Variants in CD93 observed in about 807,000 individuals in gnomAD.
CD93 encodes complement component C1q receptor.
CD93 carries 44 observed loss-of-function variants against 45.5 expected under a neutral mutation model. That is an observed-to-expected ratio of 0.97 (90% confidence interval 0.76 to 1.24). The LOEUF is 1.24. CD93 is among the 50% of genes most tolerant of loss of function. CD93 has a pLI of 0.00. For synonymous variants in CD93, 431 were observed against 370.8 expected (o/e 1.16, Z -1.87); for missense variants, 918 against 844.5 (o/e 1.09, Z -1.08).
Position 23,079,385 on chromosome 20 carries a change from G to A in CD93, c.*4565C>T, listed in dbSNP as rs1363957948. The A allele has an allele frequency of 6.6e-6, 1 of 152,164 alleles. No individual in the cohort carries two copies. Among genetic ancestry groups the A allele is most frequent in the Non-Finnish European group, 1.5e-5 (1 of 68,038 alleles). 9.4% of individuals were successfully genotyped at this position (152,164 alleles called of 1,614,324 possible). A position where few individuals can be genotyped will look rare whatever the true frequency, so the allele number is the denominator to read the frequency against. On this transcript the variant is annotated 3_prime_UTR_variant, in exon 2 of 2. Coordinates refer to ENST00000246006, the MANE Select transcript of CD93 (RefSeq NM_012072.4). ...TGTGTTTAAGAGTTTATTAGGATAG[G>A]CACATAACAGAAAGCTCAAAGGACA...
Position 23,085,040 on chromosome 20 carries a change from C to G in CD93, c.1153G>C (p.Asp385His). ...CGACCCAGAGCACACTCATCCACAT[C>G]CTGACAGGCCCCCTCTCCAGGACCG... ...PGGPGEGACQDVDECALGRSP... is the reference protein window; with the variant it reads ...PGGPGEGACQHVDECALGRSP... Residue 385 changes from aspartate (D) to histidine (H), a missense_variant, in exon 1 of 2, where the codon GAT (aspartate) becomes CAT (histidine). By Grantham distance (81) the Asp-to-His change is moderately conservative (BLOSUM62 -1). Coordinates refer to ENST00000246006, the MANE Select transcript of CD93 (RefSeq NM_012072.4). 1 of 1,613,918 alleles carries G rather than the reference C, an allele frequency of 6.2e-7. No individual in the cohort carries two copies. The highest frequency in any genetic ancestry group is 8.5e-7 in the Non-Finnish European group (1 of 1,179,950).
In CD93 at chr20:23,084,794, A is replaced by C. The variant is rs749811554; in HGVS notation, c.1399T>G (p.Cys467Gly). The C allele has an allele frequency of 2.5e-6, 4 of 1,613,090 alleles. No homozygotes were observed. Among genetic ancestry groups the C allele is most frequent in the Non-Finnish European group, 3.4e-6 (4 of 1,179,962 alleles). ...GWVLAPNGVS[C>G]TMGPVSLGPP... ...CCCAGAGACACAGGCCCCATGGTGCAAGAGACCCCATTTGGGGCCAGCACC... is the reference window on the plus strand; with the variant it reads ...CCCAGAGACACAGGCCCCATGGTGCCAGAGACCCCATTTGGGGCCAGCACC... The change falls in exon 1 of 2, where the codon TGC becomes GGC. Residue 467 changes from cysteine (C) to glycine (G), a missense_variant. Transcript: ENST00000246006.
At position 23,084,917 on chromosome 20, in the gene CD93, G is replaced by GCC. The variant is rs1985437482; in HGVS notation, c.1275_1276insGG (p.Gln426GlyfsTer163). ...GGGCCCACACACTCATCCACGTCCTGGCACTGAGTCCCGTCCTCCCCGGCC... is the reference window on the plus strand; with the variant it reads ...GGGCCCACACACTCATCCACGTCCTGCCGCACTGAGTCCCGTCCTCCCCGGCC... On this transcript the variant is annotated frameshift_variant, in exon 1 of 2. Coordinates refer to ENST00000246006, the MANE Select transcript of CD93 (RefSeq NM_012072.4). LOFTEE classifies it high-confidence loss of function. 6.2e-7 allele frequency: 1 copy of GCC among 1,613,314 alleles called. No homozygotes were observed. The highest frequency in any genetic ancestry group is 8.5e-7 in the Non-Finnish European group (1 of 1,179,916).
Position 23,084,502 on chromosome 20 carries a change from C to T in CD93, c.1691G>A (p.Gly564Glu), listed in dbSNP as rs759212951. 6.2e-7 allele frequency: 1 copy of T among 1,614,134 alleles called. No individual in the cohort carries two copies. The highest frequency in any genetic ancestry group is 1.1e-5 in the South Asian group (1 of 91,086). ...AASGPQEPAG[G>E]DSSVATQNND... ...GTTTTGTGTGGCCACGGAGGAGTCC[C>T]CACCTGCAGGCTCCTGGGGGCCAGA... is the stretch of plus-strand genomic sequence containing the variant. Residue 564 changes from glycine (G) to glutamate (E), a missense_variant, in exon 1 of 2, where the codon GGG becomes GAG. By Grantham distance (98) the Gly-to-Glu change is moderately conservative. Transcript: ENST00000246006.
In CD93 at chr20:23,085,790, A is replaced by C. The variant is rs755445600; in HGVS notation, c.403T>G (p.Ser135Ala). The C allele has an allele frequency of 2.5e-6, 4 of 1,611,772 alleles. No homozygotes were observed. Among genetic ancestry groups the C allele is most frequent in the Non-Finnish European group, 3.4e-6 (4 of 1,179,850 alleles). Residue 135 changes from serine to alanine, a missense_variant, in exon 1 of 2, where the codon TCG becomes GCG. Coordinates refer to ENST00000246006, the MANE Select transcript of CD93 (RefSeq NM_012072.4). ...YSNWHKELRNSCISKRCVSLL... is the reference protein window; with the variant it reads ...YSNWHKELRNACISKRCVSLL... ...GACACACAGCGCTTGGAGATGCACG[A>C]GTTCCGGAGCTCCTTGTGCCAGTTA...
Position 23,083,552 on chromosome 20 carries a change from T to G in CD93, c.*398A>C. On this transcript the variant is annotated 3_prime_UTR_variant, in exon 2 of 2. Transcript: ENST00000246006. The stretch of plus-strand genomic sequence containing the variant: ...TCATCCTAGGAAGAGAAACAAATCA[T>G]TTCAATCCTAATCAGCATGAGCAAC... 4.9e-6 allele frequency: 1 copy of G among 202,244 alleles called. No homozygotes were observed. Among genetic ancestry groups the G allele is most frequent in the Non-Finnish European group, 1.0e-5 (1 of 99,744 alleles). The allele number at this position is 202,244 out of a possible 1,614,324, so 12.5% of individuals were successfully genotyped here. A position where few individuals can be genotyped will look rare whatever the true frequency, so the allele number is the denominator to read the frequency against.
chr20:23,086,276 A>T lies in CD93; in HGVS notation c.-84T>A. On this transcript the variant is annotated 5_prime_UTR_variant, in exon 1 of 2. In the 5' UTR this introduces an upstream ATG that the reference lacks. Coordinates refer to ENST00000246006, the MANE Select transcript of CD93 (RefSeq NM_012072.4). ...TATCTCGGCTCCCAGCTGGGCCCCA[A>T]GGGGAGCTGAGGGGTGAGCTGCAGC... The T allele has an allele frequency of 7.0e-7, 1 of 1,419,042 alleles. No homozygotes were observed. The highest frequency in any genetic ancestry group is 9.2e-7 in the Non-Finnish European group (1 of 1,082,540). 87.9% of individuals were successfully genotyped at this position (1,419,042 alleles called of 1,614,324 possible).
intron 1 of CD93, 93 bp downstream of exon 1, chr20:23,084,166 C>A: frequency 6.6e-7 from 1 of 1,510,776 alleles, no homozygotes; most frequent in Non-Finnish European, 9.1e-7. Context: ...CCACAGGAAA[C>A]CTGGGCCTGC....
intron 1 of CD93, 44 bp from the exon 2 acceptor site, chr20:23,084,018 T>C: frequency 1.2e-6 from 2 of 1,611,668 alleles, no homozygotes. Context: ...ATGGCGCCTC[T>C]GTGCCTGCAC....
Position 23,084,450 on chromosome 20 carries a change from C to T in CD93, c.1743G>A (p.Leu581=). 6.2e-7 allele frequency: 1 copy of T among 1,614,232 alleles called. No homozygotes were observed. Among genetic ancestry groups the T allele is most frequent in the Non-Finnish European group, 8.5e-7 (1 of 1,180,056 alleles). ...CGGTGCCTAGGATGTAGAATAAAAG[C>T]AGCTTTTGCCCGTCAGTGCCATCGT... ...QNNDGTDGQK[L]LLFYILGTVV... The change falls in exon 1 of 2, where the codon CTG becomes CTA. Residue 581 remains leucine, a synonymous_variant. Transcript: ENST00000246006.
chr20:23,085,157 C>T lies in CD93; in HGVS notation c.1036G>A (p.Val346Met), dbSNP rs764430924. 61 of 1,583,990 alleles carry T rather than the reference C, an allele frequency of 3.9e-5. No homozygotes were observed. Among genetic ancestry groups the T allele is most frequent in the Admixed American group, 3.4e-5 (2 of 58,022 alleles). Residue 346 changes from valine (V) to methionine (M), a missense_variant, in exon 1 of 2, where the codon GTG (valine) becomes ATG (methionine). By Grantham distance (21) the Val-to-Met change is conservative. Coordinates refer to ENST00000246006, the MANE Select transcript of CD93 (RefSeq NM_012072.4). ...LDSSQLDCVDVDECQDSPCAQ... is the reference protein window; with the variant it reads ...LDSSQLDCVDMDECQDSPCAQ... ...CAGGGGGAGTCCTGGCATTCATCCA[C>T]GTCCACACAGTCCAGCTGACTCGAG...
Position 23,081,433 on chromosome 20 carries a change from C to T in CD93, c.*2517G>A, listed in dbSNP as rs1600421135. ...CCCAAGATCCCCCAAACAAGAATTT[C>T]CATGCTTCAAAGTAACAGCAAAAAT... On this transcript the variant is annotated 3_prime_UTR_variant, in exon 2 of 2. Coordinates refer to ENST00000246006, the MANE Select transcript of CD93 (RefSeq NM_012072.4). The T allele has an allele frequency of 6.6e-6, 1 of 152,444 alleles. No individual in the cohort carries two copies. The highest frequency in any genetic ancestry group is 1.9e-4 in the East Asian group (1 of 5,182). 9.4% of individuals were successfully genotyped at this position (152,444 alleles called of 1,614,324 possible).
Position 23,085,594 on chromosome 20 carries a change from G to T in CD93, c.599C>A (p.Thr200Asn). The T allele has an allele frequency of 6.2e-7, 1 of 1,613,580 alleles. No individual in the cohort carries two copies. ...GGTGGTCTGGAAGGGGGTGGTGTAG[G>T]TCACCTGACCTGGGCCCCCCAGGGC... is the stretch of plus-strand genomic sequence containing the variant. ...PLALGGPGQV[T>N]YTTPFQTTSS... is the part of the protein sequence containing the mutation. Residue 200 changes from threonine (T) to asparagine (N), a missense_variant, in exon 1 of 2, where the codon ACC becomes AAC. Physicochemically the swap from Thr to Asn is moderately conservative, Grantham distance 65. Transcript: ENST00000246006.
Position 23,081,461 on chromosome 20 carries a change from A to T in CD93, c.*2489T>A. The T allele has an allele frequency of 6.6e-6, 1 of 152,312 alleles. No individual in the cohort carries two copies. The highest frequency in any genetic ancestry group is 1.9e-4 in the East Asian group (1 of 5,204). The allele number at this position is 152,312 out of a possible 1,614,324, so 9.4% of individuals were successfully genotyped here. On this transcript the variant is annotated 3_prime_UTR_variant, in exon 2 of 2. Coordinates refer to ENST00000246006, the MANE Select transcript of CD93 (RefSeq NM_012072.4). Reference sequence around the variant, plus strand: ...TGCTTCAAAGTAACAGCAAAAATAAACAGGAGAATAAAGCACGTGTTTGAG... The same window carrying T: ...TGCTTCAAAGTAACAGCAAAAATAATCAGGAGAATAAAGCACGTGTTTGAG...
Position 23,085,062 on chromosome 20 carries a change from AC to A in CD93, c.1130del (p.Gly377ValfsTer211), listed in dbSNP as rs951258683. ...CECWVGYEPG[G>X]PGEGACQDVD... is the part of the protein sequence containing the mutation. ...CATCCTGACAGGCCCCCTCTCCAGG[AC>A]CGCCCGGCTCATAGCCAACCCAGCA... On this transcript the variant is annotated frameshift_variant, in exon 1 of 2. Transcript: ENST00000246006. LOFTEE classifies it high-confidence loss of function. 6.2e-7 allele frequency: 1 copy of A among 1,613,290 alleles called. No individual in the cohort carries two copies.
Position 23,084,782 on chromosome 20 carries a change from G to A in CD93, c.1411C>T (p.Pro471Ser), listed in dbSNP as rs746197814. The change falls in exon 1 of 2, where the codon CCT (proline) becomes TCT (serine). Residue 471 changes from proline (P) to serine (S), a missense_variant. By Grantham distance (74) the Pro-to-Ser change is moderately conservative. Transcript: ENST00000246006. ...APNGVSCTMG[P>S]VSLGPPSGPP... Reference sequence around the variant, plus strand: ...CCAGATGGTGGTCCCAGAGACACAGGCCCCATGGTGCAAGAGACCCCATTT... The same window carrying A: ...CCAGATGGTGGTCCCAGAGACACAGACCCCATGGTGCAAGAGACCCCATTT... The A allele has an allele frequency of 1.9e-6, 3 of 1,613,028 alleles. No individual in the cohort carries two copies. Among genetic ancestry groups the A allele is most frequent in the Middle Eastern group, 1.7e-4 (1 of 6,056 alleles).
In CD93 at chr20:23,080,825, G is replaced by A. The variant is rs765836525; in HGVS notation, c.*3125C>T. On this transcript the variant is annotated 3_prime_UTR_variant, in exon 2 of 2. Coordinates refer to ENST00000246006, the MANE Select transcript of CD93 (RefSeq NM_012072.4). ...GGAAGCCAAGCTGTTGAGCAGGGGT[G>A]GAGTCCCTCTACAGAGGATGCTCAC... 5 of 152,258 alleles carry A rather than the reference G, an allele frequency of 3.3e-5. No individual in the cohort carries two copies. Among genetic ancestry groups the A allele is most frequent in the African/African-American group, 1.2e-4 (5 of 41,466 alleles). 9.4% of individuals were successfully genotyped at this position (152,258 alleles called of 1,614,324 possible).
Position 23,080,039 on chromosome 20 carries a change from A to G in CD93, c.*3911T>C, listed in dbSNP as rs987175730. The G allele has an allele frequency of 1.3e-5, 2 of 152,178 alleles. No homozygotes were observed. Among genetic ancestry groups the G allele is most frequent in the African/African-American group, 2.4e-5 (1 of 41,398 alleles). The allele number at this position is 152,178 out of a possible 1,614,324, so 9.4% of individuals were successfully genotyped here. ...GGTTTTGCAGCCGAAGTAGAGACAGATGTTTTCTGGGATCATATCTCAGAT... is the reference window on the plus strand; with the variant it reads ...GGTTTTGCAGCCGAAGTAGAGACAGGTGTTTTCTGGGATCATATCTCAGAT... On this transcript the variant is annotated 3_prime_UTR_variant, in exon 2 of 2. Coordinates refer to ENST00000246006, the MANE Select transcript of CD93 (RefSeq NM_012072.4).
chr20:23,085,804 T>C lies in CD93; in HGVS notation c.389A>G (p.Lys130Arg), dbSNP rs1181059561. 6.2e-7 allele frequency: 1 copy of C among 1,611,540 alleles called. No individual in the cohort carries two copies. Among genetic ancestry groups the C allele is most frequent in the Non-Finnish European group, 8.5e-7 (1 of 1,179,466 alleles). ...GGAGATGCACGAGTTCCGGAGCTCC[T>C]TGTGCCAGTTAGAGTAAGGCGTGTC... ...GEDTPYSNWH[K>R]ELRNSCISKR... Residue 130 changes from lysine (K) to arginine (R), a missense_variant, in exon 1 of 2, where the codon AAG becomes AGG. By Grantham distance (26) the Lys-to-Arg change is conservative. Coordinates refer to ENST00000246006, the MANE Select transcript of CD93 (RefSeq NM_012072.4).
Sources: allele counts gnomAD v4.1 joint callset, GRCh38; gene constraint gnomAD v4.1.1; transcripts MANE v1.5; gene names NCBI Gene and HGNC (gene_info 2026-07-23, HGNC 2026-07-21).